MTX2: variants seen among roughly 807,000 people sequenced by gnomAD.
The protein encoded by MTX2 is metaxin 2.
MTX2 carries 35 observed loss-of-function variants against 42.3 expected under a neutral mutation model. That is an observed-to-expected ratio of 0.83 (90% CI 0.63 to 1.10). The LOEUF (loss-of-function observed/expected upper bound fraction) is 1.10. Among genes scored for constraint, MTX2 ranks in the 50% least tolerant of loss-of-function variants. The pLI, the probability that MTX2 is intolerant of heterozygous loss-of-function variation, is 0.00. For synonymous variants in MTX2, 119 were observed against 100.9 expected (o/e 1.18, Z -1.08); for missense variants, 307 against 304.1 (o/e 1.01, Z -0.07).
chr2:176,296,497 T>C (rs546243845), intron 1 of MTX2, among the ~76,000 whole-genome samples: 2 of 152,274 alleles, frequency 1.3e-5, no homozygotes, highest in East Asian at 3.9e-4. Context: ...AACATCAGTA[T>C]CTTTTTATAC....
chr2:176,289,414 C>T (rs1042926479), intron 1 of MTX2, among the ~76,000 whole-genome samples: 4 of 151,936 alleles, frequency 2.6e-5, no homozygotes, highest in Non-Finnish European at 4.4e-5. Flanking sequence ...CTCTTTTGCT[C>T]CTGGTAAAGA....
In MTX2 at chr2:176,331,472, C is replaced by T. The variant is rs543706302; in HGVS notation, c.620+812C>T. ...CTTTATTTGCTATTATGTGTTATAT[C>T]GTCATAAGCATTCCTCTTCTATAAC... On this transcript the variant is annotated intron_variant, in intron 9 of 9. Transcript: ENST00000249442. 4.6e-5 allele frequency among the ~76,000 whole-genome samples: 7 copies of T among 150,898 alleles called. No individual in the cohort carries two copies. In the East Asian group the frequency reaches 5.8e-4, roughly 13 times the overall value.
intron 1 of MTX2, among the ~76,000 whole-genome samples, chr2:176,296,307 T>C (rs550933275): frequency 6.6e-6 from 1 of 152,282 alleles, no homozygotes; most frequent in South Asian, 2.1e-4. Context: ...TGAAATCTTC[T>C]GGAATACAAC....
chr2:176,297,704 CAA>C (rs1683921975), intron 2 of MTX2, 143 bp from the exon 3 acceptor site: 2 of 398,272 alleles, frequency 5.0e-6, no homozygotes, highest in East Asian at 7.8e-5. Context: ...ATAATTTAAT[CAA>C]AATTATAATT....
chr2:176,328,537 CT>C (rs1448668744), intron 6 of MTX2, 152 bp downstream of exon 6: 1 of 565,216 alleles, frequency 1.8e-6, no homozygotes, highest in Non-Finnish European at 3.0e-6. Flanking sequence ...TGATTATTAC[CT>C]TTGAACAAGT....
chr2:176,333,657 C>T, intron 9 of MTX2, among the ~76,000 whole-genome samples: 1 of 151,646 alleles, frequency 6.6e-6, no homozygotes, highest in Non-Finnish European at 1.5e-5. Flanking sequence ...CCCTGTATGG[C>T]AACCTTTCAG....
intron 9 of MTX2, among the ~76,000 whole-genome samples, chr2:176,331,214 G>A (rs1684854957): frequency 6.6e-6 from 1 of 151,072 alleles, no homozygotes; most frequent in Admixed American, 6.6e-5. Context: ...GTTGAATAAT[G>A]TTTCATTAAT....
chr2:176,280,641 G>A (rs958651318), intron 1 of MTX2, among the ~76,000 whole-genome samples: 5 of 152,134 alleles, frequency 3.3e-5, no homozygotes, highest in South Asian at 4.1e-4. Flanking sequence ...AAGCAACATC[G>A]AGTTCCTTAA....
intron 3 of MTX2, among the ~76,000 whole-genome samples, chr2:176,305,571 A>G (rs1423170732): frequency 1.3e-5 from 2 of 152,144 alleles, no homozygotes; most frequent in Non-Finnish European, 2.9e-5. Flanking sequence ...TCTTGGGAGG[A>G]CAGGCTTTTA....
At chr2:176,323,167 C>CT (rs1684625729) in intron 3 of MTX2, among the ~76,000 whole-genome samples, 1 of 151,720 alleles carries the variant, frequency 6.6e-6, no homozygotes, top group African/African-American at 2.4e-5. Flanking sequence ...TACATACATA[C>CT]TTTAAGTTTC....
intron 7 of MTX2, 137 bp from the exon 8 acceptor site, chr2:176,329,164 A>G (rs1684793685): frequency 9.2e-7 from 1 of 1,089,184 alleles, no homozygotes; most frequent in South Asian, 2.1e-5. Flanking sequence ...TTAATTTTTT[A>G]GATTGCAGGA....
At chr2:176,289,325 A>G (rs1693276119) in intron 1 of MTX2, among the ~76,000 whole-genome samples, 1 of 152,052 alleles carries the variant, frequency 6.6e-6, no homozygotes, top group Non-Finnish European at 1.5e-5. Flanking sequence ...TCCAATGTAA[A>G]TACTTATGAG....
At chr2:176,288,110 C>T (rs1693248881) in intron 1 of MTX2, among the ~76,000 whole-genome samples, 2 of 151,994 alleles carry the variant, frequency 1.3e-5, no homozygotes, top group African/African-American at 4.8e-5. Flanking sequence ...AGCTAAGGGG[C>T]ATTACTATTT....
rs78483210 is a variant in MTX2 at position 176,279,202 on chromosome 2, A to T, written c.40+9533A>T. ...TAACTTGATCTGTCTTTAGATGGAA[A>T]AAAATAGACTTTTGATGTGTATATT... On this transcript the variant is annotated intron_variant, in intron 1 of 9. Transcript: ENST00000249442. 1.0e-2 allele frequency among the ~76,000 whole-genome samples: 1,519 copies of T among 152,274 alleles called. 22 individuals are homozygous for T. Among genetic ancestry groups the T allele is most frequent in the African/African-American group, 0.034 (1,429 of 41,546 alleles).
intron 1 of MTX2, among the ~76,000 whole-genome samples, chr2:176,285,987 G>C (rs1013264368): frequency 6.6e-5 from 10 of 152,116 alleles, no homozygotes; most frequent in Non-Finnish European, 1.5e-4. Context: ...CATCAGCAAC[G>C]TGTGAGAATT....
intron 1 of MTX2, among the ~76,000 whole-genome samples, chr2:176,295,901 CAATT>C (rs1201514390): frequency 6.6e-6 from 1 of 152,056 alleles, no homozygotes; most frequent in East Asian, 1.9e-4. Flanking sequence ...AGAAATATAT[CAATT>C]ATTATCAAAT....
At chr2:176,322,242 C>A (rs1684603013) in intron 3 of MTX2, among the ~76,000 whole-genome samples, 1 of 151,942 alleles carries the variant, frequency 6.6e-6, no homozygotes. Flanking sequence ...CTGTTTTGTA[C>A]CCTTAACACT....
At position 176,330,635 on chromosome 2, in the gene MTX2, A is replaced by T. The variant is rs1345066016; in HGVS notation, c.595A>T (p.Thr199Ser). Residue 199 changes from threonine to serine, a missense_variant, in exon 9 of 10, where the codon ACA (threonine) becomes TCA (serine). Transcript: ENST00000249442. ...TCAAGCTCTCTCTCAAAGACTGGGA[A>T]CACAACCGTATTTCTTCAATAAGCA... ...CCQALSQRLG[T>S]QPYFFNKQPT... The T allele has an allele frequency of 6.3e-7, 1 of 1,593,872 alleles. No homozygotes were observed. Among genetic ancestry groups the T allele is most frequent in the Non-Finnish European group, 8.6e-7 (1 of 1,166,732 alleles).
At chr2:176,271,705 G>A (rs576242708) in intron 1 of MTX2, among the ~76,000 whole-genome samples, 1 of 152,240 alleles carries the variant, frequency 6.6e-6, no homozygotes, top group African/African-American at 2.4e-5. Context: ...ACGTAATGTA[G>A]CAATATTTAT....
Sources: allele counts gnomAD v4.1 joint callset (sites outside exome capture counted in the v4.1 genomes callset), GRCh38; gene constraint gnomAD v4.1.1; transcripts MANE v1.5; gene names NCBI Gene and HGNC (gene_info 2026-07-23, HGNC 2026-07-21).